The following TANC2 variants were observed in gnomAD, a reference collection of about 807,000 sequenced individuals.
TANC2 encodes the protein tetratricopeptide repeat, ankyrin repeat and coiled-coil containing 2.
A neutral mutation model predicts 210.5 loss-of-function variants in TANC2; 26 were observed. That is an observed-to-expected ratio of 0.12 (90% CI 0.09 to 0.17). TANC2 has a LOEUF of 0.17. TANC2 is among the 10% of genes least tolerant of loss of function. The pLI, the probability that TANC2 is intolerant of heterozygous loss-of-function variation, is 1.00. For missense variants in TANC2, 2,129 were observed against 2,608.9 expected, an observed-to-expected ratio of 0.82 and a Z score of 4.01; for synonymous variants, 931 against 967.1, an observed-to-expected ratio of 0.96 and a Z score of 0.69.
chr17:63,351,781 A>G (rs73325748), intron 13 of TANC2, among the ~76,000 whole-genome samples: 15 of 152,220 alleles, frequency 9.9e-5, no homozygotes, highest in East Asian at 3.9e-4. Flanking sequence ...ATTCAGTTCA[A>G]TCTACATCCT....
In TANC2 at chr17:63,200,662, A is replaced by C; in HGVS notation, c.583-109A>C. 1.1e-5 allele frequency: 11 copies of C among 982,948 alleles called. No homozygotes were observed. In the South Asian group the frequency reaches 1.9e-4, roughly 17 times the overall value. 60.9% of individuals were successfully genotyped at this position (982,948 alleles called of 1,614,324 possible). A position where few individuals can be genotyped will look rare whatever the true frequency, so the allele number is the denominator to read the frequency against. The stretch of plus-strand genomic sequence containing the variant: ...AAAACAAATAGAGCCTAATAGATGT[A>C]AAAGCTATGCATGTAGTTTTTTTTT... On this transcript the variant is annotated intron_variant, in intron 6 of 27. Coordinates refer to ENST00000689528, the Ensembl canonical transcript of TANC2.
At chr17:63,076,788 T>A (rs1258938851) in intron 3 of TANC2, among the ~76,000 whole-genome samples, 1 of 152,116 alleles carries the variant, frequency 6.6e-6, no homozygotes, top group Admixed American at 6.5e-5. Context: ...GAAATTCTGA[T>A]AGTAAAAACC....
rs2048982862 is a variant in TANC2, at chr17:63,420,246, A to G, written c.4516A>G (p.Asn1506Asp). The G allele has an allele frequency of 6.2e-7, 1 of 1,613,478 alleles. No homozygotes were observed. Among genetic ancestry groups the G allele is most frequent in the Non-Finnish European group, 8.5e-7 (1 of 1,179,716 alleles). ...GGAGTACCTGGAACAGGATGTTGAA[A>G]ATGTTTCCATTGGCCTCCAGACAGA... The change falls in exon 28 of 28, where the codon AAT becomes GAT. Residue 1506 changes from asparagine to aspartate, a missense_variant. Around this residue, in one of 5 missense-constraint regions of TANC2, gnomAD observed 584 missense variants for 627.3 expected, o/e 0.93. Coordinates refer to ENST00000689528, the Ensembl canonical transcript of TANC2. The surrounding 1 kb of genome is among the most constrained non-coding windows in gnomAD (Gnocchi z 4.2).
chr17:63,061,196 G>T (rs1262227766), intron 2 of TANC2, among the ~76,000 whole-genome samples: 1 of 151,988 alleles, frequency 6.6e-6, no homozygotes, highest in Non-Finnish European at 1.5e-5. Context: ...GTGAAACCTC[G>T]TCTCTACTAA....
chr17:63,022,272 C>T (rs2034380872), intron 2 of TANC2, among the ~76,000 whole-genome samples: 1 of 148,964 alleles, frequency 6.7e-6, no homozygotes, highest in African/African-American at 2.5e-5. Context: ...ACCCAGGAGG[C>T]AGAGGATGCA....
intron 9 of TANC2, among the ~76,000 whole-genome samples, chr17:63,272,600 T>C (rs2927294): frequency 0.3 from 46,223 of 152,068 alleles, 7,146 homozygotes; most frequent in South Asian, 0.34. Flanking sequence ...ATGAAATTTT[T>C]TTTATTTGTT....
chr17:62,973,481 G>T (rs553783899), intron 1 of TANC2, among the ~76,000 whole-genome samples: 1 of 152,162 alleles, frequency 6.6e-6, no homozygotes, highest in Non-Finnish European at 1.5e-5. Flanking sequence ...ATTGTTGACC[G>T]TTATCTCAGT....
intron 7 of TANC2, among the ~76,000 whole-genome samples, chr17:63,227,573 G>T (rs1358058953): frequency 6.6e-6 from 1 of 152,178 alleles, no homozygotes; most frequent in African/African-American, 2.4e-5. Flanking sequence ...TCACTCTGAT[G>T]ATAGTTTCTT....
At chr17:63,076,887 G>T (rs1032821849) in intron 3 of TANC2, among the ~76,000 whole-genome samples, 1 of 152,116 alleles carries the variant, frequency 6.6e-6, no homozygotes, top group African/African-American at 2.4e-5. Flanking sequence ...AACGAAGGAG[G>T]AGTGTTAAGA....
At chr17:63,304,648 G>T (rs1313860073) in intron 9 of TANC2, among the ~76,000 whole-genome samples, 7 of 152,172 alleles carry the variant, frequency 4.6e-5, no homozygotes, top group Admixed American at 3.9e-4. Flanking sequence ...AGGGGGCCTT[G>T]TCTGGGCTCC....
intron 9 of TANC2, among the ~76,000 whole-genome samples, chr17:63,280,373 T>C (rs2044023943): frequency 6.6e-6 from 1 of 151,180 alleles, no homozygotes; most frequent in East Asian, 1.9e-4. Context: ...TAAAACCTAG[T>C]TTTTTTTTAA....
intron 15 of TANC2, among the ~76,000 whole-genome samples, chr17:63,384,843 T>G (rs1395501802): frequency 6.6e-6 from 1 of 152,162 alleles, no homozygotes; most frequent in Non-Finnish European, 1.5e-5. Context: ...GAATTAAAGG[T>G]AAAGGGAGAA....
chr17:63,165,228 A>G (rs559936954), intron 5 of TANC2, among the ~76,000 whole-genome samples: 79 of 152,154 alleles, frequency 5.2e-4, no homozygotes, highest in African/African-American at 1.8e-3. Context: ...GAGCTATGGT[A>G]GCACCACTGC....
At chr17:63,259,672 G>A (rs1418851373) in intron 8 of TANC2, among the ~76,000 whole-genome samples, 4 of 151,958 alleles carry the variant, frequency 2.6e-5, no homozygotes, top group Admixed American at 6.6e-5. Flanking sequence ...TTTAATAAAC[G>A]AACTCTCCTA....
At chr17:63,170,448 A>AAAAG (rs1450711286) in intron 5 of TANC2, among the ~76,000 whole-genome samples, 1 of 151,874 alleles carries the variant, frequency 6.6e-6, no homozygotes, top group South Asian at 2.1e-4. Flanking sequence ...AAAAAAAAAA[A>AAAAG]AAAGAAAGAA....
At chr17:63,304,031 C>G (rs921895637) in intron 9 of TANC2, among the ~76,000 whole-genome samples, 17 of 152,000 alleles carry the variant, frequency 1.1e-4, no homozygotes, top group Non-Finnish European at 4.4e-5. Context: ...TGGGTTAGAA[C>G]ATGCTACTTT....
At chr17:63,042,176 A>C (rs2035214564) in intron 2 of TANC2, among the ~76,000 whole-genome samples, 1 of 152,140 alleles carries the variant, frequency 6.6e-6, no homozygotes, top group Admixed American at 6.6e-5. Context: ...AAATTTGAAA[A>C]TTCTTATATT....
In TANC2 at chr17:63,188,957, A is replaced by C. The variant is rs1164580601; in HGVS notation, c.434-5034A>C. Reference sequence around the variant, plus strand: ...GTCACTCCCCACACAACCCAGTCCTAGGCAATGGCTTGTCTACTTTTTATT... The same window carrying C: ...GTCACTCCCCACACAACCCAGTCCTCGGCAATGGCTTGTCTACTTTTTATT... On this transcript the variant is annotated intron_variant, in intron 5 of 27. Coordinates refer to ENST00000689528, the Ensembl canonical transcript of TANC2. Among the ~76,000 whole-genome samples, 3 of 151,914 alleles carry C rather than the reference A, an allele frequency of 2.0e-5. No homozygotes were observed. The East Asian group carries it at 5.8e-4, about 29-fold the overall frequency.
intron 7 of TANC2, among the ~76,000 whole-genome samples, chr17:63,215,133 A>G (rs1365035802): frequency 1.2e-4 from 19 of 152,202 alleles, no homozygotes; most frequent in Non-Finnish European, 5.9e-5. Flanking sequence ...ATAATGATGA[A>G]TGGATCAGTT....
Sources: allele counts gnomAD v4.1 joint callset (sites outside exome capture counted in the v4.1 genomes callset), GRCh38; gene constraint gnomAD v4.1.1; regional missense constraint gnomAD v4.1.1; non-coding constraint Gnocchi (gnomAD v3.1); transcripts MANE v1.5; gene names NCBI Gene and HGNC (gene_info 2026-07-23, HGNC 2026-07-21).